Variants in COQ6 observed in about 807,000 individuals in gnomAD.
COQ6 encodes the protein coenzyme Q6, monooxygenase, also known as ubiquinone biosynthesis monooxygenase COQ6, mitochondrial.
In COQ6, 45 loss-of-function variants were observed where a neutral mutation model predicts 55.5. The observed-to-expected ratio is 0.81, with a 90% CI of 0.64 to 1.04. The LOEUF is 1.04. Ranked by LOEUF, COQ6 falls within the 50% of genes least tolerant of loss-of-function variation. The pLI, the probability that COQ6 is intolerant of heterozygous loss-of-function variation, is 0.00. For synonymous variants in COQ6, 206 were observed against 230.5 expected (o/e 0.89, Z 0.96); for missense variants, 550 against 601.3 (o/e 0.91, Z 0.89).
rs764879483 is a variant in COQ6 at position 73,953,499 on chromosome 14, G to T, written c.228G>T (p.Leu76=). ...TCGAAGCAGGTCCAAAGAAAGTACT[G>T]GAGAAATTGTCAGAAACTTACAGCA... The part of the protein sequence containing the change: ...LLLEAGPKKV[L]EKLSETYSNR... Residue 76 remains leucine (L), a synonymous_variant, in exon 2 of 12, where the codon CTG becomes CTT. Transcript: ENST00000334571. 2.5e-6 allele frequency: 4 copies of T among 1,614,122 alleles called. No individual in the cohort carries two copies. The South Asian group carries it at 3.3e-5, about 13-fold the overall frequency.
rs1489165643 is a variant in COQ6 at position 73,959,317 on chromosome 14, C to T, written c.783+93C>T. ...TTTTTCTGGTTTCAAGGGAATCTGC[C>T]CAGGCTGTTTGTAAGTTCCCTTTTT... On this transcript the variant is annotated intron_variant, in intron 7 of 11. Transcript: ENST00000334571. 4 of 1,613,932 alleles carry T rather than the reference C, an allele frequency of 2.5e-6. No individual in the cohort carries two copies. The African/African-American group carries it at 5.3e-5, about 22-fold the overall frequency.
At chr14:73,961,147 TTTGTC>T (rs1484122421) in intron 8 of COQ6, 21 bp from the exon 9 acceptor site, 1 of 1,610,334 alleles carries the variant, frequency 6.2e-7, no homozygotes, top group African/African-American at 1.3e-5. Flanking sequence ...TTTCACCTTG[TTTGTC>T]TTGTGGCTGA....
intron 4 of COQ6, 138 bp downstream of exon 4, chr14:73,956,066 T>G: frequency 7.9e-7 from 1 of 1,269,732 alleles, no homozygotes; most frequent in East Asian, 2.4e-5. Context: ...GGCTCACGCC[T>G]GTAATCCCAG....
chr14:73,953,661 C>A, intron 2 of COQ6, 92 bp downstream of exon 2: 1 of 1,540,228 alleles, frequency 6.5e-7, no homozygotes, highest in Non-Finnish European at 9.0e-7. Context: ...GAGCATCTGA[C>A]AAGGAGGGAG....
chr14:73,955,575 T>G, intron 3 of COQ6, 66 bp downstream of exon 3: 1 of 1,495,412 alleles, frequency 6.7e-7, no homozygotes, highest in Non-Finnish European at 9.3e-7. Flanking sequence ...GGAGTCCACT[T>G]TCTCCAAGTG....
rs990245354 is a variant in COQ6 at position 73,963,380 on chromosome 14, G to C, written c.*381G>C. Reference sequence around the variant, plus strand: ...TACAGTTGTTTTTTGATAGAGGTAAGAATTAGACTCGATGCATTTTTGTTA... The same window carrying C: ...TACAGTTGTTTTTTGATAGAGGTAACAATTAGACTCGATGCATTTTTGTTA... On this transcript the variant is annotated 3_prime_UTR_variant, in exon 12 of 12. Transcript: ENST00000334571. 6.2e-5 allele frequency: 21 copies of C among 336,338 alleles called. No homozygotes were observed. The highest frequency in any genetic ancestry group is 3.1e-4 in the Admixed American group (7 of 22,374). 20.8% of individuals were successfully genotyped at this position (336,338 alleles called of 1,614,324 possible).
chr14:73,960,820 A>G (rs2056685555), intron 8 of COQ6: 1 of 389,988 alleles, frequency 2.6e-6, no homozygotes, highest in South Asian at 2.2e-5. Flanking sequence ...ATGTTATCCT[A>G]ATGAAATAGA....
rs768822735 is a variant in COQ6, at chr14:73,961,281, A to C, written c.1000A>C (p.Ser334Arg). The C allele has an allele frequency of 1.2e-6, 2 of 1,614,050 alleles. No homozygotes were observed. The highest frequency in any genetic ancestry group is 1.7e-6 in the Non-Finnish European group (2 of 1,179,986). ...GGTCTCGGCTCGCCAGCTGCCCCCAAGCGTAGCCAGGGTGGATGCCAAAAG... is the reference window on the plus strand; with the variant it reads ...GGTCTCGGCTCGCCAGCTGCCCCCACGCGTAGCCAGGGTGGATGCCAAAAG... Reference protein sequence around the residue: ...TKVSARQLPPSVARVDAKSRV... With the variant: ...TKVSARQLPPRVARVDAKSRV... Residue 334 changes from serine (S) to arginine (R), a missense_variant, in exon 9 of 12, where the codon AGC becomes CGC. Ser to Arg is a moderately radical substitution (Grantham distance 110). Coordinates refer to ENST00000334571, the MANE Select transcript of COQ6 (RefSeq NM_182476.3).
intron 5 of COQ6, 65 bp from the exon 6 acceptor site, chr14:73,958,906 A>G: frequency 6.2e-7 from 1 of 1,600,894 alleles, no homozygotes; most frequent in Non-Finnish European, 8.5e-7. Flanking sequence ...TAGGGAGCAG[A>G]GAAAAACTTC....
At chr14:73,958,769 T>G in intron 5 of COQ6, 1 of 1,481,810 alleles carries the variant, frequency 6.7e-7, no homozygotes, top group Non-Finnish European at 8.9e-7. Flanking sequence ...TGTTCAGTCA[T>G]GTCCAGCTTT....
At chr14:73,961,110 T>G in intron 8 of COQ6, 63 bp from the exon 9 acceptor site, 1 of 1,551,168 alleles carries the variant, frequency 6.4e-7, no homozygotes, top group Non-Finnish European at 8.7e-7. Context: ...GTTTCTTTAT[T>G]GAATTTTTAA....
chr14:73,960,183 G>A (rs927092240), intron 8 of COQ6: 20 of 988,054 alleles, frequency 2.0e-5, no homozygotes, highest in Non-Finnish European at 2.2e-5. Context: ...GGGAAAGGCC[G>A]AGCGAATTTC....
At chr14:73,959,713 G>T (rs753624866) in intron 8 of COQ6, 191 bp downstream of exon 8, 6 of 1,193,070 alleles carry the variant, frequency 5.0e-6, no homozygotes, top group African/African-American at 4.6e-5. Context: ...GGGACTACAG[G>T]CACGTGCCAC....
At chr14:73,955,997 ATC>A in intron 4 of COQ6, 69 bp downstream of exon 4, 1 of 1,602,328 alleles carries the variant, frequency 6.2e-7, no homozygotes, top group Non-Finnish European at 8.5e-7. Context: ...GGAAGAAAGG[ATC>A]TCTTTTACAA....
intron 8 of COQ6, chr14:73,960,034 A>G: frequency 9.9e-7 from 1 of 1,010,700 alleles, no homozygotes; most frequent in Non-Finnish European, 1.2e-6. Context: ...GGCTGCTGTT[A>G]GGCTGACTGA....
At chr14:73,954,645 C>A (rs2056332354) in intron 2 of COQ6, among the ~76,000 whole-genome samples, 1 of 151,882 alleles carries the variant, frequency 6.6e-6, no homozygotes, top group Non-Finnish European at 1.5e-5. Flanking sequence ...CGATCGAGAT[C>A]ATCCTGGCTA....
At chr14:73,959,589 T>C in intron 8 of COQ6, 67 bp downstream of exon 8, 1 of 1,612,630 alleles carries the variant, frequency 6.2e-7, no homozygotes, top group Non-Finnish European at 8.5e-7. Flanking sequence ...TTGTTTTTTT[T>C]TTTTTGAAAC....
At position 73,955,898 on chromosome 14, in the gene COQ6, G is replaced by A; in HGVS notation, c.451G>A (p.Ala151Thr). 1 of 1,614,146 alleles carries A rather than the reference G, an allele frequency of 6.2e-7. No homozygotes were observed. Among genetic ancestry groups the A allele is most frequent in the Non-Finnish European group, 8.5e-7 (1 of 1,180,038 alleles). ...YIVENDVIMH[A>T]LTKQLEAVSD... ...CGTGGAGAATGATGTCATCATGCAT[G>A]CTCTCACTAAGCAGTTGGAGGCTGT... The change falls in exon 4 of 12, where the codon GCT becomes ACT. Residue 151 changes from alanine to threonine, a missense_variant. Physicochemically the swap from Ala to Thr is moderately conservative, Grantham distance 58. Coordinates refer to ENST00000334571, the MANE Select transcript of COQ6 (RefSeq NM_182476.3).
At chr14:73,962,909 A>AATAATTATTGTAG in intron 11 of COQ6, 61 bp from the exon 12 acceptor site, 2 of 1,341,706 alleles carry the variant, frequency 1.5e-6, no homozygotes, top group African/African-American at 1.4e-5. Context: ...TATTATCTAC[A>AATAATTATTGTAG]ATAATTATTT....
Sources: gnomAD v4.1 joint callset for allele counts (sites outside exome capture counted in the v4.1 genomes callset) on GRCh38, gnomAD v4.1.1 for gene constraint, MANE v1.5 for transcripts, NCBI Gene and HGNC (gene_info 2026-07-23, HGNC 2026-07-21) for gene names.